The following ACOXL variants were observed in gnomAD, a reference collection of about 807,000 sequenced individuals.
ACOXL encodes acyl-CoA oxidase like.
A neutral mutation model predicts 71.9 loss-of-function variants in ACOXL; 70 were observed. The ratio of observed to expected loss-of-function variants is 0.97; its 90% CI spans 0.80 to 1.19. ACOXL has a LOEUF of 1.19. ACOXL is among the 50% of genes most tolerant of loss of function. The pLI is 0.00. For synonymous variants in ACOXL, 253 were observed against 281.6 expected (o/e 0.90, Z 1.02); for missense variants, 703 against 736.3 (o/e 0.95, Z 0.52).
At chr2:111,086,294 A>G (rs2068202121) in intron 16 of ACOXL, among the ~76,000 whole-genome samples, 1 of 152,228 alleles carries the variant, frequency 6.6e-6, no homozygotes, top group Non-Finnish European at 1.5e-5. Context: ...TCCTTGATGA[A>G]CATAGATGCA....
intron 16 of ACOXL, among the ~76,000 whole-genome samples, chr2:111,079,122 T>G (rs939050443): frequency 2.0e-5 from 3 of 152,232 alleles, no homozygotes; most frequent in Non-Finnish European, 2.9e-5. Flanking sequence ...ACAGTGCAAT[T>G]TTGTTAATAC....
At chr2:111,007,214 C>G (rs999068942) in intron 14 of ACOXL, among the ~76,000 whole-genome samples, 1 of 152,164 alleles carries the variant, frequency 6.6e-6, no homozygotes, top group African/African-American at 2.4e-5. Flanking sequence ...AATACAGTCA[C>G]CAAGGGCAAA....
chr2:110,755,764 A>G (rs1168924078), intron 1 of ACOXL, among the ~76,000 whole-genome samples: 3 of 152,218 alleles, frequency 2.0e-5, no homozygotes, highest in African/African-American at 7.2e-5. Flanking sequence ...TTTATTTGAA[A>G]TAGGTGTTAT....
intron 11 of ACOXL, among the ~76,000 whole-genome samples, chr2:110,915,346 ATATATG>A (rs1471639858): frequency 3.1e-5 from 4 of 127,052 alleles, no homozygotes; most frequent in African/African-American, 1.1e-4. Context: ...TTATATATAT[ATATATG>A]TGTGTGTGTG....
chr2:111,084,390 C>T lies in ACOXL; in HGVS notation c.1441-8475C>T, dbSNP rs532002901. ...AATAAATGTCAGTAGGGCCAAACCC[C>T]AGCATAACATGAGGCTTGACAAATA... On this transcript the variant is annotated intron_variant, in intron 16 of 17. Transcript: ENST00000439055. Among the ~76,000 whole-genome samples the T allele has an allele frequency of 1.2e-4, 18 of 151,936 alleles. 1 individual carries two copies. Among genetic ancestry groups the T allele is most frequent in the African/African-American group, 4.3e-4 (18 of 41,430 alleles).
chr2:110,969,580 G>A (rs961494382), intron 12 of ACOXL, among the ~76,000 whole-genome samples: 2 of 152,180 alleles, frequency 1.3e-5, no homozygotes, highest in South Asian at 2.1e-4. Context: ...GGAGGCCGAG[G>A]TGGGCAGCTT....
At chr2:110,734,442 T>G (rs1676577472) in intron 1 of ACOXL, among the ~76,000 whole-genome samples, 1 of 152,066 alleles carries the variant, frequency 6.6e-6, no homozygotes, top group Non-Finnish European at 1.5e-5. Context: ...GCTAATTTTT[T>G]GTATTTTTAG....
chr2:111,061,607 C>T (rs1230004410), intron 16 of ACOXL, among the ~76,000 whole-genome samples: 1 of 152,160 alleles, frequency 6.6e-6, no homozygotes, highest in African/African-American at 2.4e-5. Flanking sequence ...AGCTCTCCTT[C>T]TCCTTTTGAA....
intron 14 of ACOXL, among the ~76,000 whole-genome samples, chr2:111,023,978 C>T (rs2064897471): frequency 6.6e-6 from 1 of 152,148 alleles, no homozygotes; most frequent in South Asian, 2.1e-4. Flanking sequence ...TAGTGCTGGG[C>T]ACCCTGGCCT....
intron 11 of ACOXL, among the ~76,000 whole-genome samples, chr2:110,918,433 C>G (rs534996661): frequency 6.6e-6 from 1 of 151,942 alleles, no homozygotes; most frequent in Non-Finnish European, 1.5e-5. Flanking sequence ...GACTTAAGAC[C>G]TAAAACCATC....
chr2:111,040,201 G>A (rs1372597731), intron 15 of ACOXL, among the ~76,000 whole-genome samples: 1 of 152,170 alleles, frequency 6.6e-6, no homozygotes, highest in Non-Finnish European at 1.5e-5. Flanking sequence ...AGTTTGCTCT[G>A]TTCTTTCTTC....
intron 9 of ACOXL, among the ~76,000 whole-genome samples, chr2:110,822,368 A>G (rs1280078874): frequency 6.6e-6 from 1 of 152,178 alleles, no homozygotes; most frequent in Non-Finnish European, 1.5e-5. Flanking sequence ...AGTGAGAAAT[A>G]TGGTTGCCAC....
At chr2:111,088,511 C>T (rs1489019921) in intron 16 of ACOXL, among the ~76,000 whole-genome samples, 1 of 152,168 alleles carries the variant, frequency 6.6e-6, no homozygotes, top group African/African-American at 2.4e-5. Flanking sequence ...GCCCATTATC[C>T]TTAACAAGCC....
At chr2:111,040,723 A>G (rs1467108005) in intron 15 of ACOXL, among the ~76,000 whole-genome samples, 1 of 152,196 alleles carries the variant, frequency 6.6e-6, no homozygotes, top group East Asian at 1.9e-4. Flanking sequence ...GGTAGAATTT[A>G]GCTATCTGGA....
rs142666709 is a variant in ACOXL at position 110,810,965 on chromosome 2, C to G, written c.753+5570C>G. On this transcript the variant is annotated intron_variant, in intron 9 of 17. Transcript: ENST00000439055. ...TGCTCAGCAAAAGGGGGAAAAGCCC[C>G]CTTATAAAACCATCAGATTTCATGA... Among the ~76,000 whole-genome samples the G allele has an allele frequency of 1.2e-4, 19 of 152,258 alleles. No individual in the cohort carries two copies. The East Asian group carries it at 3.1e-3, about 25-fold the overall frequency.
chr2:110,762,389 C>A (rs1453466851), intron 1 of ACOXL, among the ~76,000 whole-genome samples: 3 of 151,882 alleles, frequency 2.0e-5, no homozygotes, highest in Admixed American at 6.6e-5. Context: ...TTATTTATTT[C>A]TTCTGTTTCT....
At chr2:111,023,394 G>A (rs889769514) in intron 14 of ACOXL, among the ~76,000 whole-genome samples, 1 of 152,192 alleles carries the variant, frequency 6.6e-6, no homozygotes, top group African/African-American at 2.4e-5. Context: ...AAGGCCTGAT[G>A]CATTCTGCAG....
intron 9 of ACOXL, among the ~76,000 whole-genome samples, chr2:110,813,557 C>T (rs922084554): frequency 2.0e-5 from 3 of 152,176 alleles, no homozygotes; most frequent in African/African-American, 7.2e-5. Flanking sequence ...AAAGCATGAC[C>T]TGTGCCACCT....
chr2:111,051,501 T>G (rs184194883), intron 16 of ACOXL, among the ~76,000 whole-genome samples: 1 of 152,162 alleles, frequency 6.6e-6, no homozygotes, highest in African/African-American at 2.4e-5. Context: ...CAGAGTCTTC[T>G]TCTGTCACCC....
Sources: allele counts gnomAD v4.1 joint callset (sites outside exome capture counted in the v4.1 genomes callset), GRCh38; gene constraint gnomAD v4.1.1; transcripts MANE v1.5; gene names NCBI Gene and HGNC (gene_info 2026-07-23, HGNC 2026-07-21).